The following DEFB114 variants were observed in gnomAD, a reference collection of about 807,000 sequenced individuals.
DEFB114 encodes defensin beta 114.
In DEFB114, 4 loss-of-function variants were observed where a neutral mutation model predicts 2.4. The observed-to-expected ratio is 1.67, with a 90% CI of 0.82 to 3.82. The LOEUF is 3.82. Ranked by LOEUF, DEFB114 falls within the 30% of genes most tolerant of loss-of-function variation. DEFB114 has a pLI of 0.01. For missense variants in DEFB114, 113 were observed against 85.8 expected, an observed-to-expected ratio of 1.32 and a Z score of -1.25; for synonymous variants, 35 against 24.6, an observed-to-expected ratio of 1.42 and a Z score of -1.26.
intron 1 of DEFB114, 121 bp from the exon 2 acceptor site, chr6:49,960,567 TCCATGTATATCTTATACC>T (rs531062780): frequency 1.2e-4 from 125 of 1,010,476 alleles, no homozygotes; most frequent in Admixed American, 2.7e-4. Flanking sequence ...AAAAAATAAA[TCCATGTATATCTTATACC>T]CCATGTATAT....
chr6:49,961,325 T>C (rs968151916), intron 1 of DEFB114, among the ~76,000 whole-genome samples: 3 of 150,838 alleles, frequency 2.0e-5, no homozygotes, highest in Non-Finnish European at 4.5e-5. Flanking sequence ...TTTTATTTAT[T>C]ATAGTATTTT....
chr6:49,963,781 C>A (rs1773499098), intron 1 of DEFB114, among the ~76,000 whole-genome samples: 2 of 149,698 alleles, frequency 1.3e-5, no homozygotes, highest in South Asian at 4.2e-4. Flanking sequence ...GTTTTCTGAA[C>A]AATTTAAATA....
intron 1 of DEFB114, among the ~76,000 whole-genome samples, chr6:49,963,132 G>T (rs1277623237): frequency 1.3e-5 from 2 of 149,964 alleles, no homozygotes; most frequent in Non-Finnish European, 3.0e-5. Flanking sequence ...GAAAATAAAA[G>T]GATGTTTCTA....
intron 1 of DEFB114, among the ~76,000 whole-genome samples, chr6:49,960,773 TCAGA>T (rs1436255158): frequency 4.0e-5 from 6 of 150,866 alleles, no homozygotes; most frequent in Non-Finnish European, 6.0e-5. Flanking sequence ...TCAGCTGTTT[TCAGA>T]CAATCATATC....
intron 1 of DEFB114, among the ~76,000 whole-genome samples, chr6:49,962,469 T>C (rs764189991): frequency 6.6e-6 from 1 of 150,474 alleles, no homozygotes; most frequent in East Asian, 1.9e-4. Flanking sequence ...GTTTTATGTA[T>C]GTTCTTTATA....
intron 1 of DEFB114, among the ~76,000 whole-genome samples, chr6:49,962,568 A>G (rs1358233450): frequency 6.7e-6 from 1 of 150,374 alleles, no homozygotes; most frequent in Admixed American, 6.6e-5. Context: ...GTGTTTTTTG[A>G]CTGACAAAAG....
intron 1 of DEFB114, among the ~76,000 whole-genome samples, chr6:49,962,057 T>C (rs1773471072): frequency 6.6e-6 from 1 of 150,464 alleles, no homozygotes; most frequent in African/African-American, 2.4e-5. Context: ...TTGAATACTT[T>C]TGTACTTGAC....
intron 1 of DEFB114, among the ~76,000 whole-genome samples, chr6:49,963,430 T>C (rs1773494455): frequency 2.0e-5 from 3 of 150,072 alleles, no homozygotes; most frequent in Admixed American, 1.3e-4. Context: ...TACATCTAAT[T>C]AAGTCTTATT....
intron 1 of DEFB114, among the ~76,000 whole-genome samples, chr6:49,962,586 A>G (rs1434906402): frequency 1.3e-5 from 2 of 150,416 alleles, no homozygotes; most frequent in Non-Finnish European, 3.0e-5. Flanking sequence ...AAGTTTCCAA[A>G]TTTTAATGTA....
chr6:49,961,882 ATT>A (rs1773467001), intron 1 of DEFB114, among the ~76,000 whole-genome samples: 2 of 150,704 alleles, frequency 1.3e-5, no homozygotes, highest in South Asian at 4.1e-4. Flanking sequence ...CAGCACATAT[ATT>A]TTTACATCTG....
In DEFB114 at chr6:49,960,438, T is replaced by C. The variant is rs562939075; in HGVS notation, c.64A>G (p.Thr22Ala). Residue 22 changes from threonine to alanine, a missense_variant, in exon 2 of 2, where the codon ACC (threonine) becomes GCC (alanine). Coordinates refer to ENST00000322066, the MANE Select transcript of DEFB114 (RefSeq NM_001037499.2). ...YVTFILPATC[T>A]LVNADRCTKR... Reference sequence around the variant, plus strand: ...GTGCAACGATCAGCATTCACCAAGGTACATGTGGCTACGGTAAAAGAAGAG... The same window carrying C: ...GTGCAACGATCAGCATTCACCAAGGCACATGTGGCTACGGTAAAAGAAGAG... 8 of 1,589,600 alleles carry C rather than the reference T, an allele frequency of 5.0e-6. No homozygotes were observed. In the African/African-American group the frequency reaches 5.5e-5, roughly 11 times the overall value.
In DEFB114 at chr6:49,964,066, T is replaced by A; in HGVS notation, c.40A>T (p.Thr14Ser). Residue 14 changes from threonine to serine, a missense_variant, in exon 1 of 2, where the codon ACC (threonine) becomes TCC (serine). By Grantham distance (58) the Thr-to-Ser change is moderately conservative. Coordinates refer to ENST00000322066, the MANE Select transcript of DEFB114 (RefSeq NM_001037499.2). ...FYYLHFLCYV[T>S]FILPATCTLV... ...TCTATCTTACCTGGTAGAATGAAGG[T>A]CACATAACACAGAAAATGGAGATAG... The A allele has an allele frequency of 6.3e-7, 1 of 1,587,696 alleles. No homozygotes were observed. The highest frequency in any genetic ancestry group is 8.6e-7 in the Non-Finnish European group (1 of 1,164,152).
At chr6:49,962,540 G>C (rs1773479926) in intron 1 of DEFB114, among the ~76,000 whole-genome samples, 1 of 150,200 alleles carries the variant, frequency 6.7e-6, no homozygotes, top group African/African-American at 2.4e-5. Context: ...TCCATATAGA[G>C]CTTGCTTTTT....
chr6:49,960,585 C>T (rs1773441886), intron 1 of DEFB114, 139 bp from the exon 2 acceptor site: 1 of 758,582 alleles, frequency 1.3e-6, no homozygotes, highest in Non-Finnish European at 1.9e-6. Context: ...TATCTTATAC[C>T]CCATGTATAT....
chr6:49,963,987 T>C (rs1773502493), intron 1 of DEFB114, 64 bp downstream of exon 1: 1 of 1,233,396 alleles, frequency 8.1e-7, no homozygotes, highest in African/African-American at 1.6e-5. Flanking sequence ...CTACAATTAA[T>C]AATTTATTAT....
Position 49,960,424 on chromosome 6 carries a change from A to G in DEFB114, c.78T>C (p.Ala26=). 3 of 1,603,038 alleles carry G rather than the reference A, an allele frequency of 1.9e-6. No homozygotes were observed. The highest frequency in any genetic ancestry group is 3.3e-4 in the Middle Eastern group (2 of 5,998). ...ILPATCTLVN[A]DRCTKRYGRC... Reference sequence around the variant, plus strand: ...GACCGTAACGTTTGGTGCAACGATCAGCATTCACCAAGGTACATGTGGCTA... The same window carrying G: ...GACCGTAACGTTTGGTGCAACGATCGGCATTCACCAAGGTACATGTGGCTA... Residue 26 remains alanine (A), a synonymous_variant, in exon 2 of 2, where the codon GCT becomes GCC. Coordinates refer to ENST00000322066, the MANE Select transcript of DEFB114 (RefSeq NM_001037499.2).
intron 1 of DEFB114, 30 bp downstream of exon 1, chr6:49,964,021 A>G (rs184825813): frequency 4.7e-6 from 7 of 1,487,656 alleles, no homozygotes; most frequent in Non-Finnish European, 6.4e-6. Context: ...GAGAAGTTTT[A>G]CACAAATATA....
Position 49,960,353 on chromosome 6 carries a change from CAT to C in DEFB114, c.147_148del (p.Ile49MetfsTer11). On this transcript the variant is annotated frameshift_variant, in exon 2 of 2. Transcript: ENST00000322066. LOFTEE classifies it low-confidence loss of function (END_TRUNC). Reference sequence around the variant, plus strand: ...GCAGCAAATTTTTCTTGGTAAGGAACATATGTCTATTTGCTTTTCACTCTCAA... The same window carrying C: ...GCAGCAAATTTTTCTTGGTAAGGAACATGTCTATTTGCTTTTCACTCTCAA... 2 of 1,608,238 alleles carry C rather than the reference CAT, an allele frequency of 1.2e-6. No individual in the cohort carries two copies. Among genetic ancestry groups the C allele is most frequent in the Non-Finnish European group, 1.7e-6 (2 of 1,176,578 alleles).
rs772115356 is a variant in DEFB114 at position 49,960,427 on chromosome 6, A to T, written c.75T>A (p.Asn25Lys). ...CGTAACGTTTGGTGCAACGATCAGCATTCACCAAGGTACATGTGGCTACGG... is the reference window on the plus strand; with the variant it reads ...CGTAACGTTTGGTGCAACGATCAGCTTTCACCAAGGTACATGTGGCTACGG... Reference protein sequence around the residue: ...FILPATCTLVNADRCTKRYGR... With the variant: ...FILPATCTLVKADRCTKRYGR... Residue 25 changes from asparagine (N) to lysine (K), a missense_variant, in exon 2 of 2, where the codon AAT (asparagine) becomes AAA (lysine). Transcript: ENST00000322066. 155 of 1,602,868 alleles carry T rather than the reference A, an allele frequency of 9.7e-5. No individual in the cohort carries two copies. The highest frequency in any genetic ancestry group is 1.3e-4 in the Non-Finnish European group (150 of 1,174,374).
Sources: allele counts gnomAD v4.1 joint callset (sites outside exome capture counted in the v4.1 genomes callset), GRCh38; gene constraint gnomAD v4.1.1; transcripts MANE v1.5; gene names NCBI Gene and HGNC (gene_info 2026-07-23, HGNC 2026-07-21).